Variants in CALN1 observed in about 807,000 individuals in gnomAD.
CALN1 encodes calcium-binding protein 8.
CALN1 carries 17 observed loss-of-function variants against 30.6 expected under a neutral mutation model. The observed-to-expected ratio is 0.56, with a 90% CI of 0.38 to 0.83. The LOEUF (loss-of-function observed/expected upper bound fraction) is 0.83, where lower values mean the gene tolerates loss of function less well. Among genes scored for constraint, CALN1 ranks in the 40% least tolerant of loss-of-function variants. CALN1 has a pLI of 0.00. For missense variants in CALN1, 291 were observed against 354.9 expected (o/e 0.82, Z 1.45); for synonymous variants, 156 against 131.4 (o/e 1.19, Z -1.28).
intron 4 of CALN1, among the ~76,000 whole-genome samples, chr7:72,076,032 A>C (rs1424502997): frequency 6.6e-6 from 1 of 152,160 alleles, no homozygotes; most frequent in Non-Finnish European, 1.5e-5. Context: ...TTCCATAAAT[A>C]CTTCTTGAGC....
At chr7:72,293,558 T>C (rs1165887180) in intron 2 of CALN1, among the ~76,000 whole-genome samples, 1 of 152,096 alleles carries the variant, frequency 6.6e-6, no homozygotes, top group Non-Finnish European at 1.5e-5. Flanking sequence ...GGAAATGTAG[T>C]TTGCAAACAT....
chr7:72,299,689 C>CT (rs34296600), intron 2 of CALN1, among the ~76,000 whole-genome samples: 53,337 of 119,682 alleles, frequency 0.45, 13,151 homozygotes, highest in East Asian at 0.96. Context: ...ATGCTCTTAT[C>CT]TTTTTTTTTT....
At chr7:72,458,032 C>A in the CALN1 span, among the ~76,000 whole-genome samples, 1 of 148,972 alleles carries the variant, frequency 6.7e-6, no homozygotes, top group Non-Finnish European at 1.5e-5. Context: ...CCAGGGGTTA[C>A]AGGCATGAGT....
chr7:72,339,614 A>C (rs993112552), intron 2 of CALN1, among the ~76,000 whole-genome samples: 1 of 152,200 alleles, frequency 6.6e-6, no homozygotes, highest in African/African-American at 2.4e-5. Flanking sequence ...TTATGCTGCT[A>C]ATAAAGACAT....
intron 5 of CALN1, among the ~76,000 whole-genome samples, chr7:71,948,889 A>T (rs1034850142): frequency 2.8e-4 from 42 of 151,690 alleles, no homozygotes; most frequent in African/African-American, 9.9e-4. Flanking sequence ...AAACAAATTT[A>T]AAAAATAGCC....
intron 2 of CALN1, among the ~76,000 whole-genome samples, chr7:72,332,205 A>G (rs1280314531): frequency 6.6e-6 from 1 of 152,170 alleles, no homozygotes; most frequent in Non-Finnish European, 1.5e-5. Flanking sequence ...CTCCTTGTAG[A>G]GCAGGGCTAT....
chr7:71,919,717 T>C (rs1040036649), intron 5 of CALN1, among the ~76,000 whole-genome samples: 1 of 151,740 alleles, frequency 6.6e-6, no homozygotes, highest in Non-Finnish European at 1.5e-5. Context: ...GTAAAGAGAG[T>C]GCATTTGAAA....
chr7:71,788,924 C>T (rs1369388390), intron 6 of CALN1, among the ~76,000 whole-genome samples: 3 of 151,944 alleles, frequency 2.0e-5, no homozygotes, highest in Admixed American at 1.3e-4. Flanking sequence ...TCCCAAAGTG[C>T]TGGGATTACA....
chr7:72,048,078 C>T (rs12673665), intron 4 of CALN1, among the ~76,000 whole-genome samples: 58,927 of 145,048 alleles, frequency 0.41, 12,195 homozygotes, highest in African/African-American at 0.48. Flanking sequence ...CTTGCTCAGT[C>T]ACCCAGGCTG....
intron 3 of CALN1, among the ~76,000 whole-genome samples, chr7:72,206,183 A>T (rs1363828435): frequency 2.0e-5 from 3 of 152,202 alleles, no homozygotes; most frequent in African/African-American, 7.2e-5. Flanking sequence ...ACATTTTGTC[A>T]CATTCCCCAA....
At chr7:72,442,855 G>A (rs1329180152) in intron 1 of CALN1, among the ~76,000 whole-genome samples, 1 of 150,152 alleles carries the variant, frequency 6.7e-6, no homozygotes, top group Non-Finnish European at 1.5e-5. Context: ...TGCACTTTAT[G>A]TAGGGTTGCA....
chr7:72,288,483 G>A (rs974393072), intron 2 of CALN1, among the ~76,000 whole-genome samples: 3 of 152,064 alleles, frequency 2.0e-5, no homozygotes, highest in African/African-American at 7.2e-5. Flanking sequence ...CAACACTTAG[G>A]GGGAAAGGAA....
intron 3 of CALN1, among the ~76,000 whole-genome samples, chr7:72,175,951 T>TA (rs547862285): frequency 0.02 from 2,900 of 146,246 alleles, 28 homozygotes; most frequent in African/African-American, 0.027. Context: ...TGCACTAAAA[T>TA]AAAAAAAAAA....
chr7:72,021,507 A>G (rs1309399664), intron 5 of CALN1, among the ~76,000 whole-genome samples: 1 of 152,126 alleles, frequency 6.6e-6, no homozygotes, highest in Non-Finnish European at 1.5e-5. Flanking sequence ...TGCAAGTGTC[A>G]AGTCATAACT....
intron 3 of CALN1, among the ~76,000 whole-genome samples, chr7:72,118,152 A>AT (rs1584978990): frequency 1.3e-5 from 2 of 152,018 alleles, no homozygotes; most frequent in East Asian, 3.9e-4. Flanking sequence ...CCAAAACCAC[A>AT]TTTTTTAATT....
chr7:72,448,716 C>T (rs2129564656), upstream of CALN1, among the ~76,000 whole-genome samples: 1 of 152,104 alleles, frequency 6.6e-6, no homozygotes, highest in Non-Finnish European at 1.5e-5. Context: ...AGCAGTTCTC[C>T]TGCCTCGGCC....
intron 4 of CALN1, among the ~76,000 whole-genome samples, chr7:72,052,048 G>C (rs1802868289): frequency 6.6e-6 from 1 of 152,132 alleles, no homozygotes; most frequent in Admixed American, 6.5e-5. Context: ...TGAGATACAA[G>C]TGAGAAAGAT....
chr7:72,106,332 G>T (rs868607883), intron 3 of CALN1, 38 bp from the exon 4 acceptor site: 2 of 1,611,974 alleles, frequency 1.2e-6, no homozygotes, highest in Middle Eastern at 3.3e-4. Context: ...GTGGTCACAT[G>T]GCTGGCTTTA....
chr7:71,891,187 T>G (rs1471329729), intron 5 of CALN1, among the ~76,000 whole-genome samples: 2 of 152,254 alleles, frequency 1.3e-5, no homozygotes, highest in Non-Finnish European at 2.9e-5. Context: ...TCTTGTGTTC[T>G]TAGTTTGTTT....
Sources: gnomAD v4.1 joint callset for allele counts (sites outside exome capture counted in the v4.1 genomes callset) on GRCh38, gnomAD v4.1.1 for gene constraint, MANE v1.5 for transcripts, NCBI Gene and HGNC (gene_info 2026-07-23, HGNC 2026-07-21) for gene names.